Variants in SRGAP2C observed in about 807,000 individuals in gnomAD.
SRGAP2C encodes the protein SLIT-ROBO Rho GTPase-activating protein 2C.
In SRGAP2C, 15 loss-of-function variants were observed where a neutral mutation model predicts 25.1. That is an observed-to-expected ratio of 0.60 (90% CI 0.40 to 0.92). SRGAP2C has a LOEUF of 0.92. Among genes scored for constraint, SRGAP2C ranks in the 40% least tolerant of loss-of-function variants. SRGAP2C has a pLI of 0.00. For synonymous variants in SRGAP2C, 44 were observed against 96.6 expected, an observed-to-expected ratio of 0.46 and a Z score of 3.19; for missense variants, 144 against 264.4, an observed-to-expected ratio of 0.54 and a Z score of 3.16.
intron 2 of SRGAP2C, among the ~76,000 whole-genome samples, chr1:121,190,257 G>A (rs1433954241): frequency 5.5e-4 from 81 of 147,824 alleles, no homozygotes; most frequent in Non-Finnish European, 8.4e-4. Context: ...TCTTACAGAT[G>A]CCAAGATAAA....
At chr1:121,273,011 CA>C (rs1203027517) in intron 2 of SRGAP2C, among the ~76,000 whole-genome samples, 1 of 149,760 alleles carries the variant, frequency 6.7e-6, no homozygotes, top group East Asian at 2.0e-4. Context: ...GTGTCTTGTT[CA>C]GGGAGACACA....
intron 2 of SRGAP2C, among the ~76,000 whole-genome samples, chr1:121,224,810 C>A (rs1249942561): frequency 6.6e-6 from 1 of 152,076 alleles, no homozygotes; most frequent in Non-Finnish European, 1.5e-5. Context: ...ATGTACAAGA[C>A]CCGGGCTTCA....
intron 2 of SRGAP2C, among the ~76,000 whole-genome samples, chr1:121,190,057 GTC>G (rs1468475369): frequency 6.6e-6 from 1 of 151,554 alleles, no homozygotes; most frequent in Non-Finnish European, 1.5e-5. Flanking sequence ...AGAAGAAAAA[GTC>G]TCTACCCTCG....
intron 3 of SRGAP2C, among the ~76,000 whole-genome samples, chr1:121,310,642 T>A (rs1268970306): frequency 1.3e-5 from 1 of 76,862 alleles, no homozygotes; most frequent in Non-Finnish European, 2.7e-5. Context: ...TTTCTACATA[T>A]GGCTAGCCAG....
chr1:121,362,674 G>T (rs1553348814), intron 4 of SRGAP2C: 1 of 151,948 alleles, frequency 6.6e-6, no homozygotes, highest in East Asian at 1.9e-4. Flanking sequence ...CAGGGCGGTG[G>T]GAAGTGATAC....
intron 3 of SRGAP2C, among the ~76,000 whole-genome samples, chr1:121,308,376 C>G (rs1657896928): frequency 6.6e-6 from 1 of 151,406 alleles, no homozygotes; most frequent in Non-Finnish European, 1.5e-5. Flanking sequence ...CTGGCCTTTT[C>G]TCTTTGCACA....
At chr1:121,191,536 A>C (rs1485862422) in intron 2 of SRGAP2C, among the ~76,000 whole-genome samples, 17 of 147,586 alleles carry the variant, frequency 1.2e-4, no homozygotes, top group Non-Finnish European at 6.0e-5. Flanking sequence ...AATTCTTTAC[A>C]ACCCTGGTCA....
chr1:121,381,664 CAGA>C (rs1659820481), intron 7 of SRGAP2C, among the ~76,000 whole-genome samples: 2 of 141,938 alleles, frequency 1.4e-5, no homozygotes, highest in East Asian at 2.2e-4. Context: ...TTTTCTCTAA[CAGA>C]AGAATTCTTT....
At chr1:121,325,976 G>A (rs1553341647) in intron 4 of SRGAP2C, among the ~76,000 whole-genome samples, 6 of 71,594 alleles carry the variant, frequency 8.4e-5, no homozygotes, top group Non-Finnish European at 1.6e-4. Context: ...CGGCTGTGCT[G>A]TGGTTGGGGC....
At chr1:121,322,116 T>G (rs1658223282) in intron 3 of SRGAP2C, among the ~76,000 whole-genome samples, 1 of 149,730 alleles carries the variant, frequency 6.7e-6, no homozygotes, top group African/African-American at 2.5e-5. Flanking sequence ...TAAAGTGCTA[T>G]AGGGAAAGAA....
rs781942082 is a variant in SRGAP2C at position 121,234,992 on chromosome 1, A to ACT, written c.67+47490_67+47491dup. ...CTTTCCTCCCTCCCTCACTTCCTTC[A>ACT]CTCTCTCTCTCTTTCTTTCTCTTTT... is the stretch of plus-strand genomic sequence containing the variant. On this transcript the variant is annotated intron_variant, in intron 2 of 9. Coordinates refer to ENST00000367123, the MANE Select transcript of SRGAP2C (RefSeq NM_001329984.2). Among the ~76,000 whole-genome samples, 6 of 117,614 alleles carry ACT rather than the reference A, an allele frequency of 5.1e-5. No homozygotes were observed. In the South Asian group the frequency reaches 1.1e-3, roughly 22 times the overall value. The allele number at this position is 117,614 out of a possible 152,430, so 77.2% of individuals were successfully genotyped here.
intron 2 of SRGAP2C, among the ~76,000 whole-genome samples, chr1:121,208,120 C>T (rs1224541093): frequency 2.0e-5 from 3 of 152,144 alleles, no homozygotes; most frequent in Non-Finnish European, 2.9e-5. Context: ...TGTGTATCAG[C>T]TTTGCAAATT....
chr1:121,228,675 G>A, intron 2 of SRGAP2C, among the ~76,000 whole-genome samples: 1 of 152,020 alleles, frequency 6.6e-6, no homozygotes, highest in South Asian at 2.1e-4. Context: ...TCTTCTAATA[G>A]ATGGGCAACA....
intron 2 of SRGAP2C, among the ~76,000 whole-genome samples, chr1:121,191,818 A>G (rs1350554973): frequency 1.3e-5 from 2 of 149,040 alleles, no homozygotes; most frequent in Non-Finnish European, 3.0e-5. Context: ...AATATTCCAG[A>G]AGAAATAGTC....
intron 8 of SRGAP2C, among the ~76,000 whole-genome samples, chr1:121,384,762 A>G (rs372189606): frequency 6.6e-6 from 1 of 150,828 alleles, no homozygotes; most frequent in South Asian, 2.1e-4. Context: ...CCTTATTTCC[A>G]TACTCCGGAG....
intron 2 of SRGAP2C, among the ~76,000 whole-genome samples, chr1:121,221,942 C>T (rs1655535889): frequency 6.6e-6 from 1 of 152,120 alleles, no homozygotes; most frequent in Non-Finnish European, 1.5e-5. Flanking sequence ...GCCATGCAAG[C>T]ATGCAAGCAA....
At chr1:121,295,860 C>T (rs1458869046) in intron 3 of SRGAP2C, among the ~76,000 whole-genome samples, 1 of 152,044 alleles carries the variant, frequency 6.6e-6, no homozygotes, top group Non-Finnish European at 1.5e-5. Flanking sequence ...CTCCCAGGTT[C>T]AAGCTATTCT....
intron 2 of SRGAP2C, among the ~76,000 whole-genome samples, chr1:121,221,899 A>C (rs1655534272): frequency 6.6e-6 from 1 of 151,944 alleles, no homozygotes. Flanking sequence ...CTGTAAACTC[A>C]TGGAGCTGGC....
At position 121,343,393 on chromosome 1, in the gene SRGAP2C, G is replaced by T. The variant is rs1553343135; in HGVS notation, c.423+18753G>T. Among the ~76,000 whole-genome samples the T allele has an allele frequency of 2.0e-5, 3 of 151,856 alleles. No homozygotes were observed. In the South Asian group the frequency reaches 6.2e-4, roughly 32 times the overall value. Reference sequence around the variant, plus strand: ...CTGGCATTATTAAAGTTATCAGTGCGTATCCCCTCTTGGGCCAGGAAGATT... The same window carrying T: ...CTGGCATTATTAAAGTTATCAGTGCTTATCCCCTCTTGGGCCAGGAAGATT... On this transcript the variant is annotated intron_variant, in intron 4 of 9. Transcript: ENST00000367123.
Sources: gnomAD v4.1 joint callset for allele counts (sites outside exome capture counted in the v4.1 genomes callset) on GRCh38, gnomAD v4.1.1 for gene constraint, MANE v1.5 for transcripts, NCBI Gene and HGNC (gene_info 2026-07-23, HGNC 2026-07-21) for gene names.